NANS: variants seen among roughly 807,000 people sequenced by gnomAD.
NANS encodes the protein N-acetylneuraminate-9-phosphate synthase.
In NANS, 29 loss-of-function variants were observed where a neutral mutation model predicts 33.3. The observed-to-expected ratio is 0.87, with a 90% confidence interval of 0.65 to 1.19. The LOEUF (loss-of-function observed/expected upper bound fraction) is 1.19, where lower values mean the gene tolerates loss of function less well. NANS is among the 50% of genes most tolerant of loss of function. The probability of loss-of-function intolerance (pLI) is 0.00; values close to 1 mark genes in which losing one functional copy is unlikely to be tolerated. For synonymous variants in NANS, 163 were observed against 177.2 expected (o/e 0.92, Z 0.64); for missense variants, 394 against 461.1 (o/e 0.85, Z 1.33).
At position 98,061,005 on chromosome 9, in the gene NANS, C is replaced by G. The variant is rs778630756; in HGVS notation, c.348+8C>G. On this transcript the variant is annotated splice_region_variant and intron_variant, in intron 2 of 5. Coordinates refer to ENST00000210444, the MANE Select transcript of NANS (RefSeq NM_018946.4). ...GCCTCTGGCATGGATGAGGTGAGTCCTCTGCTGCTCTGTCATTTGTCACTT... is the reference window on the plus strand; with the variant it reads ...GCCTCTGGCATGGATGAGGTGAGTCGTCTGCTGCTCTGTCATTTGTCACTT... The G allele has an allele frequency of 1.9e-6, 3 of 1,612,316 alleles. No individual in the cohort carries two copies. The highest frequency in any genetic ancestry group is 2.5e-6 in the Non-Finnish European group (3 of 1,179,472).
chr9:98,076,638 G>A, intron 2 of NANS: 1 of 374,586 alleles, frequency 2.7e-6, no homozygotes, highest in South Asian at 3.0e-5. Flanking sequence ...GCCTCCCAAA[G>A]TGCAGGCATG....
chr9:98,061,069 G>A (rs1828960710), intron 2 of NANS, 72 bp downstream of exon 2: 20 of 1,456,364 alleles, frequency 1.4e-5, no homozygotes, highest in East Asian at 2.3e-5. Flanking sequence ...GGTGACTTCC[G>A]GCTTAGGGCC....
Position 98,078,221 on chromosome 9 carries a change from GCAGT to G in NANS, c.480_483del (p.Ser161TrpfsTer4). The G allele has an allele frequency of 6.2e-7, 1 of 1,614,200 alleles. No individual in the cohort carries two copies. Among genetic ancestry groups the G allele is most frequent in the Non-Finnish European group, 8.5e-7 (1 of 1,180,042 alleles). ...GCCCAATGGTGATCTCCAGTGGGAT[GCAGT>G]CAATGGACACCATGAAGCAAGTTTA... On this transcript the variant is annotated frameshift_variant, in exon 4 of 6. Coordinates refer to ENST00000210444, the MANE Select transcript of NANS (RefSeq NM_018946.4). LOFTEE classifies it high-confidence loss of function.
chr9:98,078,836 GAA>G (rs11424970), intron 4 of NANS, among the ~76,000 whole-genome samples: 78 of 122,998 alleles, frequency 6.3e-4, no homozygotes, highest in African/African-American at 7.5e-4. Flanking sequence ...CTCTCAGGGG[GAA>G]AAAAAAAAAA....
intron 5 of NANS, among the ~76,000 whole-genome samples, chr9:98,082,442 G>GA (rs1448202482): frequency 5.9e-5 from 9 of 152,226 alleles, no homozygotes; most frequent in Admixed American, 3.3e-4. Flanking sequence ...GTAACCAAAA[G>GA]AATCAGAGTT....
chr9:98,075,005 G>A (rs1276960403), intron 2 of NANS: 1 of 152,144 alleles, frequency 6.6e-6, no homozygotes, highest in Non-Finnish European at 1.5e-5. Context: ...GAAGGAGTGA[G>A]GTGGAAAGGT....
intron 2 of NANS, among the ~76,000 whole-genome samples, chr9:98,064,223 A>T (rs950471415): frequency 1.3e-5 from 2 of 152,186 alleles, no homozygotes; most frequent in African/African-American, 4.8e-5. Flanking sequence ...GACATTCTTC[A>T]AATGCAGTTG....
chr9:98,082,662 T>G (rs1829928916), intron 5 of NANS, among the ~76,000 whole-genome samples, 184 bp from the exon 6 acceptor site: 1 of 152,208 alleles, frequency 6.6e-6, no homozygotes, highest in Admixed American at 6.5e-5. Flanking sequence ...AGTCTCTGAA[T>G]TCAATCTATA....
Position 98,078,323 on chromosome 9 carries a change from G to A in NANS, c.579G>A (p.Glu193=). Residue 193 remains glutamate (E), a synonymous_variant, in exon 4 of 6, where the codon GAG becomes GAA. Transcript: ENST00000210444. ...QCTSAYPLQP[E]DVNLRVISEY... ...CCAGCGCATACCCGCTCCAGCCTGA[G>A]GACGTCAACCTGCGGGTCATCTCGG... 2 of 1,614,024 alleles carry A rather than the reference G, an allele frequency of 1.2e-6. No homozygotes were observed. Among genetic ancestry groups the A allele is most frequent in the Non-Finnish European group, 1.7e-6 (2 of 1,180,004 alleles).
chr9:98,078,406 T>A, intron 4 of NANS, 59 bp downstream of exon 4: 1 of 1,554,386 alleles, frequency 6.4e-7, no homozygotes, highest in Non-Finnish European at 8.7e-7. Flanking sequence ...AGGCGTAGTC[T>A]TTTTTATAAC....
In NANS at chr9:98,078,306, T is replaced by C. The variant is rs878852981; in HGVS notation, c.562T>C (p.Tyr188His). ...NFCFLQCTSAYPLQPEDVNLR... is the reference protein window; with the variant it reads ...NFCFLQCTSAHPLQPEDVNLR... The stretch of plus-strand genomic sequence containing the variant: ...CTGCTTCTTGCAGTGTACCAGCGCA[T>C]ACCCGCTCCAGCCTGAGGACGTCAA... The change falls in exon 4 of 6, where the codon TAC becomes CAC. Residue 188 changes from tyrosine to histidine, a missense_variant. By Grantham distance (83) the Tyr-to-His change is moderately conservative. Coordinates refer to ENST00000210444, the MANE Select transcript of NANS (RefSeq NM_018946.4). 6.2e-6 allele frequency: 10 copies of C among 1,613,820 alleles called. No homozygotes were observed. Among genetic ancestry groups the C allele is most frequent in the African/African-American group, 2.7e-5 (2 of 74,824 alleles).
intron 2 of NANS, 59 bp from the exon 3 acceptor site, chr9:98,076,859 T>C: frequency 7.3e-7 from 1 of 1,379,032 alleles, no homozygotes. Context: ...TCCTTGCCTG[T>C]CATAACAACA....
At position 98,082,971 on chromosome 9, in the gene NANS, C is replaced by G; in HGVS notation, c.996C>G (p.Gly332=). Residue 332 remains glycine, a synonymous_variant, in exon 6 of 6, where the codon GGC becomes GGG. Coordinates refer to ENST00000210444, the MANE Select transcript of NANS (RefSeq NM_018946.4). ...CTGAAGACATCTTTAATCTAGTGGGCAAGAAGGTCCTGGTCACTGTTGAAG... is the reference window on the plus strand; with the variant it reads ...CTGAAGACATCTTTAATCTAGTGGGGAAGAAGGTCCTGGTCACTGTTGAAG... ...YPPEDIFNLV[G]KKVLVTVEED... is the part of the protein sequence containing the mutation. 1 of 1,614,094 alleles carries G rather than the reference C, an allele frequency of 6.2e-7. No individual in the cohort carries two copies. The highest frequency in any genetic ancestry group is 8.5e-7 in the Non-Finnish European group (1 of 1,180,032).
At chr9:98,078,779 G>A (rs1829709773) in intron 4 of NANS, among the ~76,000 whole-genome samples, 1 of 149,008 alleles carries the variant, frequency 6.7e-6, no homozygotes, top group South Asian at 2.1e-4. Flanking sequence ...AGGTTGCAGT[G>A]AGCCGAGATT....
chr9:98,081,183 T>C, intron 5 of NANS, 101 bp downstream of exon 5: 1 of 1,489,358 alleles, frequency 6.7e-7, no homozygotes, highest in Non-Finnish European at 9.1e-7. Context: ...TGAGCCAGGC[T>C]GATGAAATGA....
chr9:98,076,938 T>G lies in NANS; in HGVS notation c.369T>G (p.His123Gln). Reference protein sequence around the residue: ...GMDEMAVEFLHELNVPFFKVG... With the variant: ...GMDEMAVEFLQELNVPFFKVG... The stretch of plus-strand genomic sequence containing the variant: ...TGTAGATGGCAGTTGAATTCCTGCA[T>G]GAACTGAATGTTCCATTTTTCAAAG... Residue 123 changes from histidine (H) to glutamine (Q), a missense_variant, in exon 3 of 6, where the codon CAT (histidine) becomes CAG (glutamine). Transcript: ENST00000210444. 6.2e-7 allele frequency: 1 copy of G among 1,612,170 alleles called. No individual in the cohort carries two copies. The highest frequency in any genetic ancestry group is 8.5e-7 in the Non-Finnish European group (1 of 1,179,438).
chr9:98,059,433 G>C (rs983089722), intron 1 of NANS, among the ~76,000 whole-genome samples: 2 of 150,924 alleles, frequency 1.3e-5, no homozygotes, highest in Non-Finnish European at 3.0e-5. Context: ...GTTTTTGTTT[G>C]AGTCAAGGTC....
intron 4 of NANS, among the ~76,000 whole-genome samples, chr9:98,079,596 AATG>A (rs1829756966): frequency 6.6e-6 from 1 of 152,220 alleles, no homozygotes; most frequent in African/African-American, 2.4e-5. Context: ...AAAATTTAAA[AATG>A]ATTTCTGTGA....
At chr9:98,078,960 G>A (rs1488149479) in intron 4 of NANS, among the ~76,000 whole-genome samples, 3 of 151,792 alleles carry the variant, frequency 2.0e-5, no homozygotes, top group African/African-American at 7.3e-5. Flanking sequence ...TTTTCATACT[G>A]AGTTATAGGA....
Sources: gnomAD v4.1 joint callset for allele counts (sites outside exome capture counted in the v4.1 genomes callset) on GRCh38, gnomAD v4.1.1 for gene constraint, MANE v1.5 for transcripts, NCBI Gene and HGNC (gene_info 2026-07-23, HGNC 2026-07-21) for gene names.